Variants in CSMD1 observed in about 807,000 individuals in gnomAD.
The protein encoded by CSMD1 is CUB and Sushi multiple domains 1.
Under a neutral mutation model 417.5 loss-of-function variants are expected in CSMD1, and 213 were observed. The ratio of observed to expected loss-of-function variants is 0.51; its 90% CI spans 0.46 to 0.57. CSMD1 has a LOEUF of 0.57. CSMD1 is among the 20% of genes least tolerant of loss of function. CSMD1 has a pLI of 0.00. For synonymous variants in CSMD1, 2,862 were observed against 1,736.8 expected, an observed-to-expected ratio of 1.65 and a Z score of -16.11; for missense variants, 6,923 against 4,529.7, an observed-to-expected ratio of 1.53 and a Z score of -15.17.
chr8:3,421,274 C>G (rs539018800), intron 12 of CSMD1, among the ~76,000 whole-genome samples: 77 of 152,152 alleles, frequency 5.1e-4, no homozygotes, highest in Middle Eastern at 3.4e-3. Context: ...AGGGATTGGC[C>G]CTGAGTAGGT....
At chr8:3,593,540 TGA>T (rs1385738429) in intron 8 of CSMD1, among the ~76,000 whole-genome samples, 2 of 152,152 alleles carry the variant, frequency 1.3e-5, no homozygotes, top group African/African-American at 2.4e-5. Flanking sequence ...TTAACGTCCT[TGA>T]GAGAGAGTGA....
At chr8:3,105,897 C>G (rs1402620108) in intron 46 of CSMD1, among the ~76,000 whole-genome samples, 2 of 152,192 alleles carry the variant, frequency 1.3e-5, no homozygotes, top group African/African-American at 4.8e-5. Flanking sequence ...GGTATATATT[C>G]AGGTGTTACA....
intron 12 of CSMD1, among the ~76,000 whole-genome samples, chr8:3,461,635 C>T (rs962700317): frequency 8.5e-5 from 13 of 152,202 alleles, no homozygotes; most frequent in African/African-American, 3.1e-4. Flanking sequence ...CCCTGTGGCC[C>T]AGCATCTTCC....
intron 2 of CSMD1, among the ~76,000 whole-genome samples, chr8:4,497,395 C>T (rs1213938486): frequency 2.6e-5 from 4 of 152,184 alleles, no homozygotes; most frequent in African/African-American, 9.7e-5. Flanking sequence ...TAAATGCTGT[C>T]AATGATTGTA....
At chr8:4,489,482 G>A (rs1047475867) in intron 2 of CSMD1, among the ~76,000 whole-genome samples, 2 of 152,148 alleles carry the variant, frequency 1.3e-5, no homozygotes, top group African/African-American at 2.4e-5. Context: ...AACACCATAT[G>A]CCCCACCAGA....
Position 4,315,202 on chromosome 8 carries a change from A to G in CSMD1, c.415+104751T>C, listed in dbSNP as rs1352651700. 2.0e-5 allele frequency among the ~76,000 whole-genome samples: 3 copies of G among 152,294 alleles called. No homozygotes were observed. The East Asian group carries it at 5.8e-4, about 29-fold the overall frequency. On this transcript the variant is annotated intron_variant, in intron 3 of 69. Transcript: ENST00000635120. ...TCTGCCCAGCTTCCACACCTACCAG[A>G]GGTGGCACTTTCTGCTCAAAGGAAA...
chr8:4,700,132 A>C (rs1563169376), intron 1 of CSMD1, among the ~76,000 whole-genome samples: 1 of 152,114 alleles, frequency 6.6e-6, no homozygotes, highest in African/African-American at 2.4e-5. Context: ...TTTTTGTTTA[A>C]TTTTTATTTT....
chr8:3,403,292 C>T (rs1487044758), intron 15 of CSMD1, among the ~76,000 whole-genome samples: 1 of 152,154 alleles, frequency 6.6e-6, no homozygotes, highest in East Asian at 1.9e-4. Flanking sequence ...CTCACTGCTT[C>T]ATTGCTATTT....
At chr8:3,965,260 C>A (rs565030689) in intron 5 of CSMD1, among the ~76,000 whole-genome samples, 1 of 152,294 alleles carries the variant, frequency 6.6e-6, no homozygotes, top group African/African-American at 2.4e-5. Context: ...AGCCTTTGGT[C>A]TCCTCCCTTA....
At chr8:3,489,810 G>A (rs76082253) in intron 11 of CSMD1, among the ~76,000 whole-genome samples, 1,857 of 152,236 alleles carry the variant, frequency 0.012, 11 homozygotes, top group Middle Eastern at 0.031. Context: ...TTAAAATCGA[G>A]ATGTAACTAG....
At chr8:4,323,122 G>A (rs1305297058) in intron 3 of CSMD1, among the ~76,000 whole-genome samples, 1 of 152,200 alleles carries the variant, frequency 6.6e-6, no homozygotes, top group African/African-American at 2.4e-5. Context: ...GACATTAATT[G>A]GTGGTTCCAA....
chr8:4,799,364 C>G (rs1798154497), intron 1 of CSMD1, among the ~76,000 whole-genome samples: 1 of 151,594 alleles, frequency 6.6e-6, no homozygotes, highest in African/African-American at 2.4e-5. Context: ...GTAATTTTAG[C>G]CCTAGATCAT....
intron 26 of CSMD1, among the ~76,000 whole-genome samples, chr8:3,270,974 A>T (rs1007567635): frequency 7.2e-5 from 11 of 151,820 alleles, no homozygotes; most frequent in Non-Finnish European, 1.0e-4. Context: ...CATGTGCACA[A>T]CGTACAGGTT....
intron 1 of CSMD1, among the ~76,000 whole-genome samples, chr8:4,980,036 C>CA (rs776139233): frequency 2.0e-5 from 3 of 151,876 alleles, no homozygotes; most frequent in Non-Finnish European, 4.4e-5. Context: ...GACTCCATCC[C>CA]AAAAAATAAA....
chr8:3,658,334 T>C (rs1174429777), intron 7 of CSMD1, among the ~76,000 whole-genome samples: 1 of 152,002 alleles, frequency 6.6e-6, no homozygotes, highest in Non-Finnish European at 1.5e-5. Flanking sequence ...CTTAAATCAC[T>C]ACTCAACTTT....
chr8:3,670,234 C>A (rs1260972204), intron 7 of CSMD1, among the ~76,000 whole-genome samples: 3 of 151,888 alleles, frequency 2.0e-5, no homozygotes, highest in Non-Finnish European at 4.4e-5. Context: ...GAATACAAAG[C>A]AGGCGGAAAA....
At chr8:4,021,272 G>A (rs2554587) in intron 4 of CSMD1, among the ~76,000 whole-genome samples, 1 of 152,030 alleles carries the variant, frequency 6.6e-6, no homozygotes, top group African/African-American at 2.4e-5. Context: ...CATTAATTCT[G>A]CATTAAAATT....
chr8:4,886,325 CTATA>C (rs1353495975), intron 1 of CSMD1, among the ~76,000 whole-genome samples: 1 of 151,794 alleles, frequency 6.6e-6, no homozygotes, highest in Non-Finnish European at 1.5e-5. Flanking sequence ...TGTTCCAGCA[CTATA>C]TATATTTTTT....
chr8:4,940,581 G>C (rs1482585227), intron 1 of CSMD1, among the ~76,000 whole-genome samples: 1 of 152,200 alleles, frequency 6.6e-6, no homozygotes, highest in Non-Finnish European at 1.5e-5. Flanking sequence ...GAAGTTTAGA[G>C]AGGCAGGTCA....
Sources: gnomAD v4.1 joint callset for allele counts (sites outside exome capture counted in the v4.1 genomes callset) on GRCh38, gnomAD v4.1.1 for gene constraint, MANE v1.5 for transcripts, NCBI Gene and HGNC (gene_info 2026-07-23, HGNC 2026-07-21) for gene names.